MUC13: variants seen among roughly 807,000 people sequenced by gnomAD.
MUC13 encodes the protein mucin-13.
MUC13 carries 32 observed loss-of-function variants against 48.3 expected under a neutral mutation model. The ratio of observed to expected loss-of-function variants is 0.66; its 90% CI spans 0.50 to 0.89. The LOEUF (loss-of-function observed/expected upper bound fraction) is 0.89. Among genes scored for constraint, MUC13 ranks in the 40% least tolerant of loss-of-function variants. The pLI is 0.00. For synonymous variants in MUC13, 199 were observed against 224.9 expected (o/e 0.88, Z 1.03); for missense variants, 571 against 622.8 (o/e 0.92, Z 0.88).
chr3:124,934,490 C>A (rs1935850621), intron 1 of MUC13, among the ~76,000 whole-genome samples, 171 bp downstream of exon 1: 1 of 152,174 alleles, frequency 6.6e-6, no homozygotes, highest in Admixed American at 6.5e-5. Context: ...GCTCTATCTT[C>A]CCCATCACAG....
Position 124,919,443 on chromosome 3 carries a change from G to A in MUC13, c.800+791C>T, listed in dbSNP as rs369634237. On this transcript the variant is annotated intron_variant, in intron 5 of 11. Transcript: ENST00000616727. ...GGCCTCAAGTGATCCTCCCATTTCAGTCTCCCAAAGTGCTAGGATTACAGA... is the reference window on the plus strand; with the variant it reads ...GGCCTCAAGTGATCCTCCCATTTCAATCTCCCAAAGTGCTAGGATTACAGA... Among the ~76,000 whole-genome samples the A allele has an allele frequency of 2.3e-3, 343 of 148,714 alleles. 1 individual carries two copies. Among genetic ancestry groups the A allele is most frequent in the Non-Finnish European group, 3.3e-3 (225 of 67,622 alleles).
chr3:124,913,805 A>G (rs1294634757), intron 6 of MUC13, 124 bp from the exon 7 acceptor site: 14 of 1,028,628 alleles, frequency 1.4e-5, no homozygotes, highest in Non-Finnish European at 2.0e-5. Flanking sequence ...GGCCAAGTGC[A>G]GTGGCTCACA....
chr3:124,928,076 C>A, intron 1 of MUC13, 83 bp from the exon 2 acceptor site: 29 of 909,792 alleles, frequency 3.2e-5, no homozygotes, highest in Non-Finnish European at 4.0e-5. Flanking sequence ...TCATATCCAA[C>A]TCATTCTTTT....
chr3:124,912,900 C>T (rs1355960772), intron 8 of MUC13, among the ~76,000 whole-genome samples: 1 of 138,030 alleles, frequency 7.2e-6, no homozygotes, highest in African/African-American at 2.8e-5. Context: ...TGCACCATTG[C>T]ACTGTAGCCT....
At chr3:124,931,518 C>T (rs1016237119) in intron 1 of MUC13, among the ~76,000 whole-genome samples, 10 of 151,024 alleles carry the variant, frequency 6.6e-5, no homozygotes, top group African/African-American at 9.8e-5. Flanking sequence ...GAGGCCGAGG[C>T]GGGCAGATCA....
intron 9 of MUC13, 50 bp from the exon 10 acceptor site, chr3:124,910,549 C>G (rs762214122): frequency 1.9e-6 from 3 of 1,608,604 alleles, no homozygotes; most frequent in East Asian, 4.5e-5. Flanking sequence ...TGGCCCCCAA[C>G]TGTCTACTGC....
intron 1 of MUC13, 26 bp downstream of exon 1, chr3:124,934,635 A>G: frequency 6.5e-7 from 1 of 1,531,626 alleles, no homozygotes; most frequent in Non-Finnish European, 9.0e-7. Context: ...TGATTGGAAG[A>G]ATTAAAATGT....
At chr3:124,910,764 C>T (rs529846729) in intron 9 of MUC13, among the ~76,000 whole-genome samples, 3 of 152,312 alleles carry the variant, frequency 2.0e-5, no homozygotes, top group South Asian at 4.1e-4. Context: ...GCAGGGTCTT[C>T]CTGGACTTTG....
chr3:124,912,354 T>C, intron 8 of MUC13: 1 of 647,872 alleles, frequency 1.5e-6, no homozygotes, highest in Non-Finnish European at 2.6e-6. Context: ...GGGTACGCAA[T>C]CTCATGCAGG....
At chr3:124,913,381 C>A in intron 7 of MUC13, 141 bp from the exon 8 acceptor site, 1 of 1,438,850 alleles carries the variant, frequency 6.9e-7, no homozygotes, top group Non-Finnish European at 9.4e-7. Context: ...CATGATGTGC[C>A]CCCTGTGAAG....
chr3:124,921,543 C>T (rs1472697076), intron 4 of MUC13, among the ~76,000 whole-genome samples: 1 of 152,146 alleles, frequency 6.6e-6, no homozygotes, highest in African/African-American at 2.4e-5. Context: ...TCTGAGGGTC[C>T]TTCCAGAGCT....
chr3:124,919,827 C>A (rs1935563581), intron 5 of MUC13, among the ~76,000 whole-genome samples: 1 of 152,124 alleles, frequency 6.6e-6, no homozygotes, highest in African/African-American at 2.4e-5. Flanking sequence ...TTCTTGTCCC[C>A]CTCACACTTG....
intron 1 of MUC13, among the ~76,000 whole-genome samples, chr3:124,929,643 C>T (rs1285313106): frequency 6.6e-6 from 1 of 152,188 alleles, no homozygotes; most frequent in African/African-American, 2.4e-5. Context: ...GACTGCCAGT[C>T]TTCCTATTCC....
At chr3:124,920,755 A>T (rs1345647750) in intron 4 of MUC13, among the ~76,000 whole-genome samples, 8 of 152,266 alleles carry the variant, frequency 5.3e-5, no homozygotes, top group Non-Finnish European at 8.8e-5. Context: ...ACCATTGCTC[A>T]GTAAAGCCAC....
chr3:124,932,566 CAAA>C (rs546487627), intron 1 of MUC13, among the ~76,000 whole-genome samples: 2 of 101,600 alleles, frequency 2.0e-5, no homozygotes. Context: ...AACTCGGTCT[CAAA>C]AAAAAAAAAA....
At chr3:124,923,672 T>A in intron 2 of MUC13, 23 bp from the exon 3 acceptor site, 1 of 1,603,432 alleles carries the variant, frequency 6.2e-7, no homozygotes, top group Non-Finnish European at 8.5e-7. Flanking sequence ...AGAAAGAGAT[T>A]AGAAATCCAG....
intron 2 of MUC13, among the ~76,000 whole-genome samples, chr3:124,925,543 A>T (rs1935672225): frequency 6.6e-6 from 1 of 152,166 alleles, no homozygotes; most frequent in African/African-American, 2.4e-5. Context: ...CAGGCCAGGG[A>T]GTATATGGGA....
At chr3:124,926,656 T>C (rs1935692807) in intron 2 of MUC13, among the ~76,000 whole-genome samples, 1 of 152,274 alleles carries the variant, frequency 6.6e-6, no homozygotes, top group Admixed American at 6.5e-5. Context: ...AGATTTCCCA[T>C]CTGAGAATGA....
Position 124,922,323 on chromosome 3 carries a change from T to C in MUC13, c.638-20A>G, listed in dbSNP as rs760978504. 7.5e-6 allele frequency: 12 copies of C among 1,610,678 alleles called. No homozygotes were observed. The highest frequency in any genetic ancestry group is 8.5e-6 in the Non-Finnish European group (10 of 1,179,152). On this transcript the variant is annotated intron_variant, in intron 3 of 11. Transcript: ENST00000616727. ...CCTTTCCTGAAAGTTAAGCAGAATC[T>C]TTCTGTACTATTTGATGAAAAGAGG... is the stretch of plus-strand genomic sequence containing the variant.
Sources: allele counts gnomAD v4.1 joint callset (sites outside exome capture counted in the v4.1 genomes callset), GRCh38; gene constraint gnomAD v4.1.1; transcripts MANE v1.5; gene names NCBI Gene and HGNC (gene_info 2026-07-23, HGNC 2026-07-21).